The following RAMP1 variants were observed in gnomAD, a reference collection of about 807,000 sequenced individuals.
RAMP1 encodes the protein receptor activity-modifying protein 1.
In RAMP1, 7 loss-of-function variants were observed where a neutral mutation model predicts 8.2. The observed-to-expected ratio is 0.85, with a 90% confidence interval of 0.49 to 1.60. RAMP1 has a LOEUF of 1.60. Ranked by LOEUF, RAMP1 falls within the 40% of genes most tolerant of loss-of-function variation. RAMP1 has a pLI of 0.00. For synonymous variants in RAMP1, 92 were observed against 84.7 expected (o/e 1.09, Z -0.47); for missense variants, 192 against 202.4 (o/e 0.95, Z 0.31).
At chr2:237,871,045 T>C (rs1290048761) in intron 1 of RAMP1, among the ~76,000 whole-genome samples, 2 of 151,972 alleles carry the variant, frequency 1.3e-5, no homozygotes, top group Non-Finnish European at 2.9e-5. Context: ...TTTGGCGGGG[T>C]AAGCGGCTGT....
chr2:237,865,449 A>G lies in RAMP1; in HGVS notation c.52+5722A>G, dbSNP rs978445205. On this transcript the variant is annotated intron_variant, in intron 1 of 2. Transcript: ENST00000254661. The surrounding 1 kb of genome is among the most constrained non-coding windows in gnomAD (Gnocchi z 4.2). ...CCAGGCAAACTGGAATTTCAGATAA[A>G]CAAGAAGCATAAGCCTGTCTCATAC... Among the ~76,000 whole-genome samples, 8 of 151,972 alleles carry G rather than the reference A, an allele frequency of 5.3e-5. No individual in the cohort carries two copies. The highest frequency in any genetic ancestry group is 1.2e-4 in the Non-Finnish European group (8 of 67,972).
At chr2:237,911,321 C>T (rs1192571527) in intron 2 of RAMP1, among the ~76,000 whole-genome samples, 2 of 152,252 alleles carry the variant, frequency 1.3e-5, no homozygotes, top group Non-Finnish European at 2.9e-5. Context: ...TCCTGCACCA[C>T]GGGCCGCCAT....
Position 237,901,082 on chromosome 2 carries a change from A to C in RAMP1, c.192-10446A>C, listed in dbSNP as rs528380490. ...TGTCTGTACGCTGTGGCGCAGTGCC[A>C]GCTGTCCTGGGTGGAGCATCCCCAT... On this transcript the variant is annotated intron_variant, in intron 2 of 2. Coordinates refer to ENST00000254661, the MANE Select transcript of RAMP1 (RefSeq NM_005855.4). Among the ~76,000 whole-genome samples the C allele has an allele frequency of 9.2e-5, 14 of 152,334 alleles. 1 individual carries two copies. Among genetic ancestry groups the C allele is most frequent in the African/African-American group, 2.9e-4 (12 of 41,572 alleles).
At chr2:237,902,651 T>C (rs74002611) in intron 2 of RAMP1, among the ~76,000 whole-genome samples, 2,670 of 152,122 alleles carry the variant, frequency 0.018, 61 homozygotes, top group African/African-American at 0.056. Context: ...GCTCCCTGTC[T>C]GCCCTGCACG....
chr2:237,900,879 C>T (rs773980792), intron 2 of RAMP1, among the ~76,000 whole-genome samples: 1 of 152,192 alleles, frequency 6.6e-6, no homozygotes, highest in Non-Finnish European at 1.5e-5. Flanking sequence ...CTAACACAGA[C>T]CCAGGGGCCT....
chr2:237,879,224 T>C (rs1207574072), intron 2 of RAMP1, among the ~76,000 whole-genome samples: 2 of 152,082 alleles, frequency 1.3e-5, no homozygotes, highest in Admixed American at 6.5e-5. Flanking sequence ...CCGCCTGCTT[T>C]GTGGAAGTGA....
chr2:237,867,598 G>T (rs749117153), intron 1 of RAMP1, among the ~76,000 whole-genome samples: 1 of 152,192 alleles, frequency 6.6e-6, no homozygotes, highest in Non-Finnish European at 1.5e-5. Context: ...TGCCCAGCTG[G>T]ACATTGTCTC....
chr2:237,859,797 GGGGAGCGGGTGGGAGCGGGT>G (rs200903832), intron 1 of RAMP1, 70 bp downstream of exon 1: 27 of 1,364,420 alleles, frequency 2.0e-5, no homozygotes, highest in East Asian at 1.4e-4. Context: ...GGGGAGAGGA[GGGGAGCGGGTGGGAGCGGGT>G]GGGAGCGGGT....
Position 237,877,483 on chromosome 2 carries a change from C to A in RAMP1, c.191+121C>A. 1 of 1,364,626 alleles carries A rather than the reference C, an allele frequency of 7.3e-7. No homozygotes were observed. Among genetic ancestry groups the A allele is most frequent in the Non-Finnish European group, 9.8e-7 (1 of 1,022,122 alleles). 84.5% of individuals were successfully genotyped at this position (1,364,626 alleles called of 1,614,324 possible). A position where few individuals can be genotyped will look rare whatever the true frequency, so the allele number is the denominator to read the frequency against. On this transcript the variant is annotated intron_variant, in intron 2 of 2. Transcript: ENST00000254661. This position sits in a 1 kb window ranked among gnomAD's most constrained non-coding sequence, Gnocchi z 4.4. ...TTTCTAGACCCCGGAAGGGTTCTTC[C>A]CCCAGTGGGGGGGGCCGGGATGAAG...
intron 1 of RAMP1, among the ~76,000 whole-genome samples, chr2:237,867,050 AG>A (rs1332963583): frequency 6.6e-6 from 1 of 152,036 alleles, no homozygotes; most frequent in Non-Finnish European, 1.5e-5. Flanking sequence ...CTTATAATGA[AG>A]TAAGCTAGAG....
chr2:237,891,539 T>TA (rs2062488765), intron 2 of RAMP1, among the ~76,000 whole-genome samples: 1 of 152,240 alleles, frequency 6.6e-6, no homozygotes, highest in African/African-American at 2.4e-5. Flanking sequence ...TAAAATATAC[T>TA]ATTTCTATTT....
At chr2:237,871,700 C>T (rs775659487) in intron 1 of RAMP1, among the ~76,000 whole-genome samples, 6 of 152,326 alleles carry the variant, frequency 3.9e-5, no homozygotes, top group Non-Finnish European at 8.8e-5. Flanking sequence ...TGGACACGCT[C>T]CTCCAGGATT....
chr2:237,885,719 G>A (rs1033697111), intron 2 of RAMP1, among the ~76,000 whole-genome samples: 4 of 152,160 alleles, frequency 2.6e-5, no homozygotes, highest in South Asian at 2.1e-4. Flanking sequence ...CGCTCCTGCC[G>A]TGCCCCTCTC....
At chr2:237,898,207 A>G (rs2062562007) in intron 2 of RAMP1, among the ~76,000 whole-genome samples, 1 of 152,238 alleles carries the variant, frequency 6.6e-6, no homozygotes, top group South Asian at 2.1e-4. Flanking sequence ...ACTTAAATAG[A>G]TAAACCATAG....
At chr2:237,863,918 C>T (rs1576530655) in intron 1 of RAMP1, among the ~76,000 whole-genome samples, 2 of 152,100 alleles carry the variant, frequency 1.3e-5, no homozygotes, top group African/African-American at 4.8e-5. Context: ...GTCAGCACCA[C>T]CTCCACCCCT....
At chr2:237,896,874 C>G (rs2062547636) in intron 2 of RAMP1, among the ~76,000 whole-genome samples, 1 of 152,158 alleles carries the variant, frequency 6.6e-6, no homozygotes, top group African/African-American at 2.4e-5. Context: ...GTCTGGAACT[C>G]CTGGGCTCAA....
At position 237,879,396 on chromosome 2, in the gene RAMP1, G is replaced by A. The variant is rs985925337; in HGVS notation, c.191+2034G>A. Among the ~76,000 whole-genome samples, 5 of 151,988 alleles carry A rather than the reference G, an allele frequency of 3.3e-5. No homozygotes were observed. In the East Asian group the frequency reaches 5.9e-4, roughly 18 times the overall value. On this transcript the variant is annotated intron_variant, in intron 2 of 2. Coordinates refer to ENST00000254661, the MANE Select transcript of RAMP1 (RefSeq NM_005855.4). ...CAGAGCACAAAGAGGAATAACTAGC[G>A]CTGAGGCCAGAGAGAGTTCGCCATC...
Position 237,877,213 on chromosome 2 carries a change from G to A in RAMP1, c.53-11G>A. 6.2e-7 allele frequency: 1 copy of A among 1,613,686 alleles called. No individual in the cohort carries two copies. Among genetic ancestry groups the A allele is most frequent in the Non-Finnish European group, 8.5e-7 (1 of 1,180,008 alleles). Reference sequence around the variant, plus strand: ...CCGCCCGCCATCTCTTCATGGCCGTGTCTATTTCAGCCCATCACCTCTTCA... The same window carrying A: ...CCGCCCGCCATCTCTTCATGGCCGTATCTATTTCAGCCCATCACCTCTTCA... On this transcript the variant is annotated splice_polypyrimidine_tract_variant and intron_variant, in intron 1 of 2. Transcript: ENST00000254661. The surrounding 1 kb of genome is among the most constrained non-coding windows in gnomAD (Gnocchi z 4.4).
In RAMP1 at chr2:237,877,173, C is replaced by T. The variant is rs570291308; in HGVS notation, c.53-51C>T. ...GGGCGCGCGGGCTGGCGGTGATACC[C>T]CTAGGCCTCTGCTGCCGCCCGCCAT... On this transcript the variant is annotated intron_variant, in intron 1 of 2. Transcript: ENST00000254661. This position sits in a 1 kb window ranked among gnomAD's most constrained non-coding sequence, Gnocchi z 4.4. The T allele has an allele frequency of 1.0e-4, 166 of 1,610,754 alleles. No homozygotes were observed. Among genetic ancestry groups the T allele is most frequent in the Admixed American group, 2.2e-4 (13 of 60,000 alleles).
Sources: gnomAD v4.1 joint callset for allele counts (sites outside exome capture counted in the v4.1 genomes callset) on GRCh38, gnomAD v4.1.1 for gene constraint, Gnocchi (gnomAD v3.1) non-coding constraint, MANE v1.5 for transcripts, NCBI Gene and HGNC (gene_info 2026-07-23, HGNC 2026-07-21) for gene names.